Variants in RAD54L2 observed in about 807,000 individuals in gnomAD.
The protein encoded by RAD54L2 is helicase ARIP4.
A neutral mutation model predicts 138.4 loss-of-function variants in RAD54L2; 27 were observed. That is an observed-to-expected ratio of 0.20 (90% CI 0.14 to 0.27). RAD54L2 has a LOEUF of 0.27. Ranked by LOEUF, RAD54L2 falls within the 10% of genes least tolerant of loss-of-function variation. RAD54L2 has a pLI of 1.00. For synonymous variants in RAD54L2, 644 were observed against 723.2 expected (o/e 0.89, Z 1.76); for missense variants, 1,396 against 1,890.2 (o/e 0.74, Z 4.85).
At chr3:51,660,709 C>T (rs1701744797) in intron 22 of RAD54L2, among the ~76,000 whole-genome samples, 1 of 151,406 alleles carries the variant, frequency 6.6e-6, no homozygotes, top group Non-Finnish European at 1.5e-5. Context: ...GCAACCTCCT[C>T]CTCCCAGGTT....
chr3:51,603,891 C>T (rs1359950955), intron 3 of RAD54L2, among the ~76,000 whole-genome samples: 2 of 152,088 alleles, frequency 1.3e-5, no homozygotes, highest in African/African-American at 4.8e-5. Flanking sequence ...ATAGCAAGAG[C>T]TGTTGGAGAG....
Position 51,637,037 on chromosome 3 carries a change from T to C in RAD54L2, c.1340-124T>C, listed in dbSNP as rs1301517445. On this transcript the variant is annotated intron_variant, in intron 10 of 22. Coordinates refer to ENST00000684192, the MANE Select transcript of RAD54L2 (RefSeq NM_015106.4). The surrounding 1 kb of genome is among the most constrained non-coding windows in gnomAD (Gnocchi z 5.9). ...CTGGCACCCTCTCACCAAGGGGGGC[T>C]GACTCTTGCTTTCCTGCTTCCTTCA... is the stretch of plus-strand genomic sequence containing the variant. 1.2e-6 allele frequency: 1 copy of C among 839,722 alleles called. No individual in the cohort carries two copies. Among genetic ancestry groups the C allele is most frequent in the Admixed American group, 2.2e-5 (1 of 46,370 alleles). The allele number at this position is 839,722 out of a possible 1,614,324, so 52.0% of individuals were successfully genotyped here.
chr3:51,562,586 A>G (rs1215416335), intron 2 of RAD54L2, among the ~76,000 whole-genome samples: 1 of 151,836 alleles, frequency 6.6e-6, no homozygotes, highest in Non-Finnish European at 1.5e-5. Flanking sequence ...GCTGGTCTTG[A>G]ACTCCTGACC....
chr3:51,545,931 CTTTTTTTTTTTTTT>C (rs781819728), intron 2 of RAD54L2, among the ~76,000 whole-genome samples: 1 of 79,456 alleles, frequency 1.3e-5, no homozygotes, highest in South Asian at 4.1e-4. Context: ...TACATCAATT[CTTTTTTTTTTTTTT>C]TTTTTTTTTT....
At chr3:51,650,693 A>C (rs1444865881) in intron 19 of RAD54L2, among the ~76,000 whole-genome samples, 2 of 152,254 alleles carry the variant, frequency 1.3e-5, no homozygotes, top group East Asian at 3.8e-4. Context: ...ACTACTGGGT[A>C]AGTAATGAAA....
chr3:51,551,777 G>A (rs548837794), intron 2 of RAD54L2, among the ~76,000 whole-genome samples: 7 of 144,828 alleles, frequency 4.8e-5, no homozygotes, highest in Admixed American at 2.1e-4. Context: ...TTTTTGAGAT[G>A]GAGTCTCGCT....
At chr3:51,595,651 CAA>C (rs988264335) in intron 3 of RAD54L2, among the ~76,000 whole-genome samples, 7 of 152,136 alleles carry the variant, frequency 4.6e-5, no homozygotes, top group African/African-American at 1.7e-4. Flanking sequence ...ACTTTGTCTT[CAA>C]ACCAACCTTC....
chr3:51,540,778 G>A (rs1698529736), intron 1 of RAD54L2, among the ~76,000 whole-genome samples: 1 of 152,154 alleles, frequency 6.6e-6, no homozygotes, highest in Admixed American at 6.5e-5. Flanking sequence ...TTGGCTGGGT[G>A]TGGTGGCTAA....
Position 51,555,477 on chromosome 3 carries a change from G to A in RAD54L2, c.-55+13827G>A, listed in dbSNP as rs373842987. On this transcript the variant is annotated intron_variant, in intron 2 of 22. Coordinates refer to ENST00000684192, the MANE Select transcript of RAD54L2 (RefSeq NM_015106.4). ...AAAATACAAAAATTAGCCAGGCATG[G>A]TGGCACACATGTCTACTGAAAATAG... Among the ~76,000 whole-genome samples, 227 of 152,256 alleles carry A rather than the reference G, an allele frequency of 1.5e-3. 4 individuals are homozygous for A. In the South Asian group the frequency reaches 0.046, roughly 31 times the overall value.
intron 3 of RAD54L2, among the ~76,000 whole-genome samples, chr3:51,598,183 A>G (rs1329030549): frequency 2.0e-4 from 29 of 148,136 alleles, no homozygotes; most frequent in African/African-American, 6.4e-4. Context: ...GTGTGTATAT[A>G]TATATATATA....
At position 51,639,587 on chromosome 3, in the gene RAD54L2, G is replaced by C. The variant is rs766208461; in HGVS notation, c.2029G>C (p.Glu677Gln). Residue 677 changes from glutamate (E) to glutamine (Q), a missense_variant, in exon 13 of 23, where the codon GAG (glutamate) becomes CAG (glutamine). Physicochemically the swap from Glu to Gln is conservative, Grantham distance 29. This residue lies in a region of RAD54L2 where 211 missense variants were observed against 273.8 expected (regional missense o/e 0.77). Transcript: ENST00000684192. ...TAGCACCTTGGCTTCCTCGATGGGA[G>C]AGGCAACCAATAGCAAGTTCCTACA... ...EDSTLASSMG[E>Q]ATNSKFLQGV... 4 of 1,613,876 alleles carry C rather than the reference G, an allele frequency of 2.5e-6. No homozygotes were observed. In the East Asian group the frequency reaches 8.9e-5, roughly 36 times the overall value.
chr3:51,616,577 C>G (rs1700447882), intron 3 of RAD54L2, among the ~76,000 whole-genome samples: 1 of 152,138 alleles, frequency 6.6e-6, no homozygotes, highest in African/African-American at 2.4e-5. Flanking sequence ...CCTGTAATCC[C>G]AGCACTTTGG....
intron 2 of RAD54L2, among the ~76,000 whole-genome samples, chr3:51,572,452 T>TAA (rs529261675): frequency 0.011 from 1,176 of 109,504 alleles, 35 homozygotes; most frequent in African/African-American, 0.037. Context: ...GACTCCGTCT[T>TAA]AAAAAAAAAA....
rs755153740 is a variant in RAD54L2, at chr3:51,662,681, C to A, written c.3665C>A (p.Thr1222Asn). The A allele has an allele frequency of 7.4e-6, 12 of 1,613,886 alleles. 1 individual carries two copies. The East Asian group carries it at 2.7e-4, about 36-fold the overall frequency. Residue 1222 changes from threonine to asparagine, a missense_variant, in exon 23 of 23, where the codon ACT becomes AAT. Physicochemically the swap from Thr to Asn is moderately conservative, Grantham distance 65. This residue lies in a region of RAD54L2 where 634 missense variants were observed against 711.2 expected (regional missense o/e 0.89). Transcript: ENST00000684192. This position sits in a 1 kb window ranked among gnomAD's most constrained non-coding sequence, Gnocchi z 4.6. ...SSAVPGTALGTEPRLGGHCLN... is the reference protein window; with the variant it reads ...SSAVPGTALGNEPRLGGHCLN... ...GCTGTTCCCGGGACAGCTCTCGGAA[C>A]TGAGCCTCGACTAGGGGGTCATTGC...
intron 3 of RAD54L2, among the ~76,000 whole-genome samples, chr3:51,598,583 T>G (rs774581778): frequency 8.5e-5 from 13 of 152,056 alleles, no homozygotes; most frequent in Non-Finnish European, 8.8e-5. Context: ...GGTGAAACCC[T>G]GTCTCTACTA....
chr3:51,548,821 CTTTTTTTT>C (rs1168106948), intron 2 of RAD54L2, among the ~76,000 whole-genome samples: 1 of 101,292 alleles, frequency 9.9e-6, no homozygotes, highest in Non-Finnish European at 1.9e-5. Flanking sequence ...AGTAACTCTG[CTTTTTTTT>C]TTTTTTTTTT....
intron 21 of RAD54L2, among the ~76,000 whole-genome samples, chr3:51,658,135 T>G: frequency 6.6e-6 from 1 of 151,922 alleles, no homozygotes; most frequent in African/African-American, 2.4e-5. Context: ...GGTTTCATTA[T>G]GTTGGCCAGG....
At chr3:51,655,239 G>A (rs552410549) in intron 19 of RAD54L2, among the ~76,000 whole-genome samples, 3 of 151,912 alleles carry the variant, frequency 2.0e-5, no homozygotes, top group East Asian at 3.9e-4. Flanking sequence ...GCCCAAAGAC[G>A]AAAGATGCAG....
intron 1 of RAD54L2, among the ~76,000 whole-genome samples, chr3:51,540,863 G>A (rs1318225483): frequency 1.3e-5 from 2 of 151,938 alleles, no homozygotes; most frequent in African/African-American, 2.4e-5. Flanking sequence ...CCTGCATGGC[G>A]AAACCCTGTC....
Sources: allele counts gnomAD v4.1 joint callset (sites outside exome capture counted in the v4.1 genomes callset), GRCh38; gene constraint gnomAD v4.1.1; regional missense constraint gnomAD v4.1.1; non-coding constraint Gnocchi (gnomAD v3.1); transcripts MANE v1.5; gene names NCBI Gene and HGNC (gene_info 2026-07-23, HGNC 2026-07-21).